Variants in ZBTB5 observed in about 807,000 individuals in gnomAD.
The protein encoded by ZBTB5 is zinc finger and BTB domain-containing protein 5.
ZBTB5 carries 15 observed loss-of-function variants against 37.9 expected under a neutral mutation model. That is an observed-to-expected ratio of 0.40 (90% CI 0.26 to 0.61). The LOEUF (loss-of-function observed/expected upper bound fraction) is 0.61. Ranked by LOEUF, ZBTB5 falls within the 20% of genes least tolerant of loss-of-function variation. The pLI, the probability that ZBTB5 is intolerant of heterozygous loss-of-function variation, is 0.47. For missense variants in ZBTB5, 708 were observed against 856.8 expected (o/e 0.83, Z 2.17); for synonymous variants, 315 against 312.4 (o/e 1.01, Z -0.09).
At chr9:37,454,124 C>G (rs1730162566) in intron 1 of ZBTB5, among the ~76,000 whole-genome samples, 1 of 152,172 alleles carries the variant, frequency 6.6e-6, no homozygotes. Context: ...TATAATACAG[C>G]TATCTCAAAA....
At chr9:37,456,178 T>C (rs1824184839) in intron 1 of ZBTB5, among the ~76,000 whole-genome samples, 1 of 152,120 alleles carries the variant, frequency 6.6e-6, no homozygotes, top group African/African-American at 2.4e-5. Flanking sequence ...TTCAAACTCC[T>C]GGGCTCAATC....
chr9:37,460,221 T>C (rs1314123249), intron 1 of ZBTB5, among the ~76,000 whole-genome samples: 9 of 151,914 alleles, frequency 5.9e-5, no homozygotes, highest in African/African-American at 1.9e-4. Flanking sequence ...GTGGATCAAC[T>C]GAGGTCGGAA....
rs771437483 is a variant in ZBTB5 at position 37,440,942 on chromosome 9, C to T, written c.1610G>A (p.Arg537His). 6.2e-6 allele frequency: 10 copies of T among 1,614,148 alleles called. No individual in the cohort carries two copies. The highest frequency in any genetic ancestry group is 8.5e-6 in the Non-Finnish European group (10 of 1,180,028). ...GGASNFPYYRRIAPKMPVVTS... is the reference protein window; with the variant it reads ...GGASNFPYYRHIAPKMPVVTS... ...TACAACTGGCATTTTGGGAGCTATG[C>T]GGCGGTAGTAAGGAAAGTTACTGGC... The change falls in exon 2 of 2, where the codon CGC (arginine) becomes CAC (histidine). Residue 537 changes from arginine to histidine, a missense_variant. This residue lies in a region of ZBTB5 where 639 missense variants were observed against 690.5 expected (regional missense o/e 0.93). Transcript: ENST00000307750.
intron 1 of ZBTB5, among the ~76,000 whole-genome samples, chr9:37,456,747 T>C (rs1411540952): frequency 6.6e-6 from 1 of 152,220 alleles, no homozygotes; most frequent in Non-Finnish European, 1.5e-5. Flanking sequence ...GAACTGTATT[T>C]TCTCTCTCTC....
At position 37,441,257 on chromosome 9, in the gene ZBTB5, G is replaced by A. The variant is rs1386538528; in HGVS notation, c.1295C>T (p.Pro432Leu). 6.2e-7 allele frequency: 1 copy of A among 1,614,124 alleles called. No homozygotes were observed. The highest frequency in any genetic ancestry group is 2.2e-5 in the East Asian group (1 of 44,884). ...CAGCCTGCAGTCACTAGTGGTGTTTGGAATATTATCATCATTGTTCTGATT... is the reference window on the plus strand; with the variant it reads ...CAGCCTGCAGTCACTAGTGGTGTTTAGAATATTATCATCATTGTTCTGATT... Reference protein sequence around the residue: ...TANQNNDDNIPNTTSDCRLES... With the variant: ...TANQNNDDNILNTTSDCRLES... The change falls in exon 2 of 2, where the codon CCA becomes CTA. Residue 432 changes from proline to leucine, a missense_variant. By Grantham distance (98) the Pro-to-Leu change is moderately conservative. Coordinates refer to ENST00000307750, the MANE Select transcript of ZBTB5 (RefSeq NM_014872.3).
chr9:37,446,040 G>A (rs1353137535), intron 1 of ZBTB5, among the ~76,000 whole-genome samples: 2 of 152,218 alleles, frequency 1.3e-5, no homozygotes, highest in Non-Finnish European at 2.9e-5. Context: ...CCAGGGGGCA[G>A]AGGTTATAGA....
intron 1 of ZBTB5, among the ~76,000 whole-genome samples, chr9:37,456,080 A>G (rs1824182861): frequency 6.6e-6 from 1 of 151,774 alleles, no homozygotes; most frequent in Non-Finnish European, 1.5e-5. Context: ...CCTCCTGGGT[A>G]GCTGGGACTA....
In ZBTB5 at chr9:37,452,771, C is replaced by G. The variant is rs187099121; in HGVS notation, c.-4-10216G>C. On this transcript the variant is annotated intron_variant, in intron 1 of 1. Transcript: ENST00000307750. ...CTGGTCTTTCATAGCCCTGCAGTCA[C>G]TCAGTCAATGACTAAAAGCCTCCCT... Among the ~76,000 whole-genome samples the G allele has an allele frequency of 1.2e-4, 19 of 152,300 alleles. 1 individual carries two copies. The highest frequency in any genetic ancestry group is 2.2e-4 in the Non-Finnish European group (15 of 68,014).
rs1823866631 is a variant in ZBTB5 at position 37,441,218 on chromosome 9, G to T, written c.1334C>A (p.Pro445His). ...CCCAGCCTCTGGACTCAACAAATAG[G>T]GGGCCTCACTCTCCAGCCTGCAGTC... is the stretch of plus-strand genomic sequence containing the variant. ...TSDCRLESEAPYLLSPEAGPA... is the reference protein window; with the variant it reads ...TSDCRLESEAHYLLSPEAGPA... The change falls in exon 2 of 2, where the codon CCC (proline) becomes CAC (histidine). Residue 445 changes from proline (P) to histidine (H), a missense_variant. Pro to His is a moderately conservative substitution (Grantham distance 77). This residue lies in a region of ZBTB5 where 639 missense variants were observed against 690.5 expected (regional missense o/e 0.93). Coordinates refer to ENST00000307750, the MANE Select transcript of ZBTB5 (RefSeq NM_014872.3). The T allele has an allele frequency of 6.2e-7, 1 of 1,613,992 alleles. No homozygotes were observed. The highest frequency in any genetic ancestry group is 1.7e-5 in the Admixed American group (1 of 60,004).
At chr9:37,464,447 T>G (rs1169410732) in intron 1 of ZBTB5, among the ~76,000 whole-genome samples, 1 of 152,226 alleles carries the variant, frequency 6.6e-6, no homozygotes, top group Non-Finnish European at 1.5e-5. Context: ...AGGATTTGCC[T>G]TCTGTTCAGA....
chr9:37,448,684 A>T (rs1187496378), intron 1 of ZBTB5, among the ~76,000 whole-genome samples: 3 of 152,214 alleles, frequency 2.0e-5, no homozygotes, highest in African/African-American at 7.2e-5. Context: ...AGATTTTCTT[A>T]AAAAAGGAAC....
rs1291979364 is a variant in ZBTB5 at position 37,440,555 on chromosome 9, C to T, written c.1997G>A (p.Arg666His). The T allele has an allele frequency of 5.0e-6, 8 of 1,614,226 alleles. No individual in the cohort carries two copies. Among genetic ancestry groups the T allele is most frequent in the Admixed American group, 1.7e-5 (1 of 60,026 alleles). Residue 666 changes from arginine (R) to histidine (H), a missense_variant, in exon 2 of 2, where the codon CGC becomes CAC. Physicochemically the swap from Arg to His is conservative, Grantham distance 29. Around this residue, in one of 3 missense-constraint regions of ZBTB5, gnomAD observed 42 missense variants for 107.9 expected, o/e 0.39. Transcript: ENST00000307750. ...GCTGGGAAGATTGCTGCTCTGCCAGCGCAGGCAGGTAGTCTTTGAGTGCTT... is the reference window on the plus strand; with the variant it reads ...GCTGGGAAGATTGCTGCTCTGCCAGTGCAGGCAGGTAGTCTTTGAGTGCTT... ...LYKHSKTTCL[R>H]WQSSNLPSTL...
rs144747606 is a variant in ZBTB5, at chr9:37,442,492, A to G, written c.60T>C (p.His20=). ...IFQQLNYQRL[H]GQLCDCVIVV... ...CAATGACACAATCACAGAGCTGGCCATGAAGTCTCTGGTAGTTCAGCTGCT... is the reference window on the plus strand; with the variant it reads ...CAATGACACAATCACAGAGCTGGCCGTGAAGTCTCTGGTAGTTCAGCTGCT... The change falls in exon 2 of 2, where the codon CAT becomes CAC. Residue 20 remains histidine (H), a synonymous_variant. Coordinates refer to ENST00000307750, the MANE Select transcript of ZBTB5 (RefSeq NM_014872.3). 2 of 1,613,488 alleles carry G rather than the reference A, an allele frequency of 1.2e-6. No individual in the cohort carries two copies. Among genetic ancestry groups the G allele is most frequent in the African/African-American group, 2.7e-5 (2 of 74,942 alleles).
At chr9:37,456,439 T>C (rs1174956271) in intron 1 of ZBTB5, among the ~76,000 whole-genome samples, 1 of 152,232 alleles carries the variant, frequency 6.6e-6, no homozygotes, top group Non-Finnish European at 1.5e-5. Context: ...ATATCTCTGG[T>C]TCTGCTCTGT....
Position 37,440,332 on chromosome 9 carries a change from A to G in ZBTB5, c.*186T>C. The G allele has an allele frequency of 1.7e-6, 1 of 587,092 alleles. No individual in the cohort carries two copies. The highest frequency in any genetic ancestry group is 3.0e-6 in the Non-Finnish European group (1 of 336,770). 36.4% of individuals were successfully genotyped at this position (587,092 alleles called of 1,614,324 possible). ...GTTTCAGGGATTGCATCCCTTTCCC[A>G]AGACGTGCACTTCACTCAGAAATGC... On this transcript the variant is annotated 3_prime_UTR_variant, in exon 2 of 2. Coordinates refer to ENST00000307750, the MANE Select transcript of ZBTB5 (RefSeq NM_014872.3).
Position 37,440,889 on chromosome 9 carries a change from C to T in ZBTB5, c.1663G>A (p.Glu555Lys). 6.2e-7 allele frequency: 1 copy of T among 1,614,144 alleles called. No homozygotes were observed. Among genetic ancestry groups the T allele is most frequent in the Non-Finnish European group, 8.5e-7 (1 of 1,180,042 alleles). The stretch of plus-strand genomic sequence containing the variant: ...ATTAGCTGAGAACTGGTAGAGTTTT[C>T]TGGGATCTGTGAGCTCCTGACGGAA... The part of the protein sequence containing the change: ...VTSVRSSQIP[E>K]NSTSSQLMMN... Residue 555 changes from glutamate to lysine, a missense_variant, in exon 2 of 2, where the codon GAA (glutamate) becomes AAA (lysine). Coordinates refer to ENST00000307750, the MANE Select transcript of ZBTB5 (RefSeq NM_014872.3).
rs1203423118 is a variant in ZBTB5 at position 37,439,044 on chromosome 9, T to C, written c.*1474A>G. 6.6e-6 allele frequency: 1 copy of C among 152,230 alleles called. No homozygotes were observed. Among genetic ancestry groups the C allele is most frequent in the Non-Finnish European group, 1.5e-5 (1 of 68,032 alleles). 9.4% of individuals were successfully genotyped at this position (152,230 alleles called of 1,614,324 possible). On this transcript the variant is annotated 3_prime_UTR_variant, in exon 2 of 2. Coordinates refer to ENST00000307750, the MANE Select transcript of ZBTB5 (RefSeq NM_014872.3). The stretch of plus-strand genomic sequence containing the variant: ...CAAAAACTGAATAATTTATCTGATT[T>C]ATGAATGATGGTTTGGTATGTCTAA...
intron 1 of ZBTB5, among the ~76,000 whole-genome samples, chr9:37,443,243 C>A (rs1488680022): frequency 1.3e-5 from 2 of 151,080 alleles, no homozygotes; most frequent in African/African-American, 4.9e-5. Context: ...CCCAGGTACT[C>A]GGGAGGCTGA....
chr9:37,456,599 TC>T (rs1222195776), intron 1 of ZBTB5, among the ~76,000 whole-genome samples: 2 of 152,220 alleles, frequency 1.3e-5, no homozygotes, highest in Admixed American at 6.5e-5. Flanking sequence ...CACCTTGTTT[TC>T]CAGGCCAAAA....
Sources: allele counts gnomAD v4.1 joint callset (sites outside exome capture counted in the v4.1 genomes callset), GRCh38; gene constraint gnomAD v4.1.1; regional missense constraint gnomAD v4.1.1; transcripts MANE v1.5; gene names NCBI Gene and HGNC (gene_info 2026-07-23, HGNC 2026-07-21).